The following PVT1 variants were observed in gnomAD, a reference collection of about 807,000 sequenced individuals.
PVT1 encodes CXCR4/PVT1 fusion.
intron 2 of PVT1, among the ~76,000 whole-genome samples, chr8:127,881,232 T>C (rs1815463272): frequency 6.6e-6 from 1 of 152,088 alleles, no homozygotes; most frequent in African/African-American, 2.4e-5. Flanking sequence ...GTAACCACCA[T>C]AATAGCAGCG....
At chr8:128,092,505 C>T (rs1484913245) in intron 5 of PVT1, among the ~76,000 whole-genome samples, 1 of 152,236 alleles carries the variant, frequency 6.6e-6, no homozygotes, top group Non-Finnish European at 1.5e-5. Flanking sequence ...TCACTCCCTT[C>T]TCAGGCTTGC....
At chr8:128,034,084 G>A (rs1448892624) in intron 4 of PVT1, among the ~76,000 whole-genome samples, 5 of 145,618 alleles carry the variant, frequency 3.4e-5, no homozygotes, top group African/African-American at 7.7e-5. Flanking sequence ...TTTTGGCCCT[G>A]ACCTTTGGCC....
At chr8:127,845,298 A>G (rs1433908065) in intron 2 of PVT1, among the ~76,000 whole-genome samples, 1 of 152,072 alleles carries the variant, frequency 6.6e-6, no homozygotes. Flanking sequence ...CTGAGCTTGG[A>G]TCTAGATTAT....
intron 3 of PVT1, among the ~76,000 whole-genome samples, chr8:127,925,968 A>AATGGG (rs1356601156): frequency 6.6e-6 from 1 of 152,054 alleles, no homozygotes; most frequent in African/African-American, 2.4e-5. Flanking sequence ...GGGGTGTAAG[A>AATGGG]ATGGGAGCAT....
chr8:127,868,774 T>TAA (rs1815313123), intron 2 of PVT1, among the ~76,000 whole-genome samples: 1 of 116,536 alleles, frequency 8.6e-6, no homozygotes, highest in Admixed American at 1.0e-4. Flanking sequence ...TTTTAACATA[T>TAA]ATATATATAT....
intron 4 of PVT1, among the ~76,000 whole-genome samples, chr8:128,065,525 T>C (rs922854491): frequency 1.3e-5 from 2 of 152,212 alleles, no homozygotes; most frequent in Admixed American, 6.5e-5. Context: ...CTGGCTGTTT[T>C]TTTCCCTTTG....
intron 4 of PVT1, among the ~76,000 whole-genome samples, chr8:128,030,516 C>A (rs1268845274): frequency 6.6e-6 from 1 of 152,128 alleles, no homozygotes; most frequent in Non-Finnish European, 1.5e-5. Context: ...AGTTGAGGAG[C>A]TGGAAGTGCT....
intron 2 of PVT1, among the ~76,000 whole-genome samples, chr8:127,888,186 C>T (rs1210308003): frequency 2.6e-5 from 4 of 151,950 alleles, no homozygotes; most frequent in Admixed American, 2.0e-4. Context: ...GTGATCCACC[C>T]GCCTCGGCCT....
intron 3 of PVT1, among the ~76,000 whole-genome samples, chr8:127,928,829 TG>T (rs915189821): frequency 6.6e-6 from 1 of 152,224 alleles, no homozygotes; most frequent in African/African-American, 2.4e-5. Context: ...ACAGCAGGGC[TG>T]GGTTGACCTT....
In PVT1 at chr8:128,004,265, A is replaced by G. The variant is rs954273386; in HGVS notation, n.912+14974A>G. 3.3e-5 allele frequency among the ~76,000 whole-genome samples: 5 copies of G among 152,358 alleles called. No homozygotes were observed. The East Asian group carries it at 9.6e-4, about 29-fold the overall frequency. ...TTGACTCTTGTGAATTATAATGAAC[A>G]TTAGTCTGTAAAGCAGGTCCTTGTA... On this transcript the variant is annotated intron_variant and non_coding_transcript_variant, in intron 4 of 10. Coordinates refer to ENST00000651587, the Ensembl canonical transcript of PVT1.
chr8:128,040,352 G>A (rs10106077), intron 4 of PVT1, among the ~76,000 whole-genome samples: 51 of 152,318 alleles, frequency 3.3e-4, no homozygotes, highest in African/African-American at 1.1e-3. Flanking sequence ...GACTCAAGCC[G>A]CAGTATCAGC....
At chr8:127,931,052 G>A (rs1043694304) in intron 3 of PVT1, among the ~76,000 whole-genome samples, 10 of 152,080 alleles carry the variant, frequency 6.6e-5, no homozygotes, top group Non-Finnish European at 1.5e-5. Context: ...CTACAGGTGC[G>A]CTCCACCACA....
intron 3 of PVT1, among the ~76,000 whole-genome samples, chr8:127,971,484 G>A (rs1816763894): frequency 6.6e-6 from 1 of 152,226 alleles, no homozygotes; most frequent in Admixed American, 6.5e-5. Flanking sequence ...CTCTTCCCAT[G>A]CAATAGCTCC....
chr8:127,876,551 ATC>A (rs1308027911), intron 2 of PVT1, among the ~76,000 whole-genome samples: 1 of 149,926 alleles, frequency 6.7e-6, no homozygotes, highest in Non-Finnish European at 1.5e-5. Context: ...CTTTCCTCTC[ATC>A]TCCTCCCGCT....
At chr8:127,922,961 C>T (rs1417011783) in intron 3 of PVT1, among the ~76,000 whole-genome samples, 1 of 152,254 alleles carries the variant, frequency 6.6e-6, no homozygotes, top group Non-Finnish European at 1.5e-5. Flanking sequence ...ATCTCCCCAC[C>T]TTGCTGTATC....
intron 5 of PVT1, among the ~76,000 whole-genome samples, chr8:128,088,364 A>G (rs1814285271): frequency 6.6e-6 from 1 of 152,044 alleles, no homozygotes; most frequent in Non-Finnish European, 1.5e-5. Context: ...GGCTTCAGCA[A>G]TGTCCTTGGC....
intron 2 of PVT1, among the ~76,000 whole-genome samples, chr8:127,799,966 T>C (rs997700223): frequency 6.6e-6 from 1 of 152,084 alleles, no homozygotes; most frequent in African/African-American, 2.4e-5. Context: ...GCTGCAGAAG[T>C]GGGTCTCAGG....
chr8:128,055,469 T>C (rs2130112208), intron 4 of PVT1, among the ~76,000 whole-genome samples: 1 of 152,378 alleles, frequency 6.6e-6, no homozygotes, highest in South Asian at 2.1e-4. Context: ...TGTAATGCAC[T>C]TAATACACTG....
intron 4 of PVT1, among the ~76,000 whole-genome samples, chr8:128,019,980 T>G (rs2648851): frequency 0.66 from 99,827 of 152,084 alleles, 33,306 homozygotes; most frequent in African/African-American, 0.77. Context: ...TCAATTCCAG[T>G]TTCCATCAGA....
Sources: gnomAD v4.1 joint callset for allele counts (sites outside exome capture counted in the v4.1 genomes callset) on GRCh38, gnomAD v4.1.1 for gene constraint, MANE v1.5 for transcripts, NCBI Gene and HGNC (gene_info 2026-07-23, HGNC 2026-07-21) for gene names.